The following MDN1 variants were observed in gnomAD, a reference collection of about 807,000 sequenced individuals.
MDN1 encodes the protein midasin.
MDN1 carries 266 observed loss-of-function variants against 669.2 expected under a neutral mutation model. The ratio of observed to expected loss-of-function variants is 0.40; its 90% CI spans 0.36 to 0.44. The LOEUF (loss-of-function observed/expected upper bound fraction) is 0.44, where lower values mean the gene tolerates loss of function less well. MDN1 is among the 20% of genes least tolerant of loss of function. The probability of loss-of-function intolerance (pLI) is 1.00; values close to 1 mark genes in which losing one functional copy is unlikely to be tolerated. For missense variants in MDN1, 5,940 were observed against 6,754.0 expected (o/e 0.88, Z 4.22); for synonymous variants, 2,385 against 2,457.1 (o/e 0.97, Z 0.87).
rs1007264383 is a variant in MDN1 at position 89,816,772 on chromosome 6, T to C, written c.102+2734A>G. Reference sequence around the variant, plus strand: ...TCACTGCAAGTTCCACCTCCCGGGTTCACGCCATTCTCCTGCCTCAGCCAC... The same window carrying C: ...TCACTGCAAGTTCCACCTCCCGGGTCCACGCCATTCTCCTGCCTCAGCCAC... On this transcript the variant is annotated intron_variant, in intron 1 of 101. Coordinates refer to ENST00000369393, the MANE Select transcript of MDN1 (RefSeq NM_014611.3). Among the ~76,000 whole-genome samples, 9 of 151,234 alleles carry C rather than the reference T, an allele frequency of 6.0e-5. No homozygotes were observed. In the East Asian group the frequency reaches 1.8e-3, roughly 30 times the overall value.
intron 55 of MDN1, among the ~76,000 whole-genome samples, chr6:89,701,273 C>T (rs746581183): frequency 1.1e-4 from 17 of 152,130 alleles, no homozygotes; most frequent in Admixed American, 2.6e-4. Context: ...ATTTACACAG[C>T]GTTTATATTG....
Position 89,646,609 on chromosome 6 carries a change from C to T in MDN1, c.16396-6G>A. 2 of 1,613,514 alleles carry T rather than the reference C, an allele frequency of 1.2e-6. No homozygotes were observed. Among genetic ancestry groups the T allele is most frequent in the Non-Finnish European group, 1.7e-6 (2 of 1,179,484 alleles). ...TTGGCAACAGACTCTAGAAACTAAA[C>T]CGGAACCAGGAATAGACAATTAGAA... On this transcript the variant is annotated splice_region_variant and splice_polypyrimidine_tract_variant and intron_variant, in intron 99 of 101. Transcript: ENST00000369393.
intron 1 of MDN1, among the ~76,000 whole-genome samples, chr6:89,813,961 C>T (rs1178602101): frequency 6.6e-6 from 1 of 151,078 alleles, no homozygotes; most frequent in African/African-American, 2.4e-5. Context: ...GACGCGGTGG[C>T]ATGCCTATAG....
intron 2 of MDN1, among the ~76,000 whole-genome samples, chr6:89,796,355 A>C (rs1343948492): frequency 3.3e-5 from 5 of 151,070 alleles, no homozygotes; most frequent in African/African-American, 9.7e-5. Context: ...AAAAAACAAA[A>C]AAAAAAACCA....
chr6:89,662,709 A>G, intron 86 of MDN1, 83 bp downstream of exon 86: 1 of 1,403,664 alleles, frequency 7.1e-7, no homozygotes, highest in Non-Finnish European at 9.7e-7. Flanking sequence ...GAAAAAGAAG[A>G]GAAGTAAATG....
chr6:89,795,511 T>G (rs1236043918), intron 2 of MDN1, among the ~76,000 whole-genome samples: 3 of 151,980 alleles, frequency 2.0e-5, no homozygotes, highest in Admixed American at 1.3e-4. Flanking sequence ...GGAAGATCAT[T>G]TGCCAGGTTC....
In MDN1 at chr6:89,732,793, A is replaced by T; in HGVS notation, c.4724-18T>A. ...GTCAGACCCTAAACACAAGAAACAAAAAAAGCATTTGCTGTTAACGGGAGA... is the reference window on the plus strand; with the variant it reads ...GTCAGACCCTAAACACAAGAAACAATAAAAGCATTTGCTGTTAACGGGAGA... On this transcript the variant is annotated intron_variant, in intron 33 of 101. Coordinates refer to ENST00000369393, the MANE Select transcript of MDN1 (RefSeq NM_014611.3). 6.2e-7 allele frequency: 1 copy of T among 1,610,780 alleles called. No individual in the cohort carries two copies. The highest frequency in any genetic ancestry group is 8.5e-7 in the Non-Finnish European group (1 of 1,178,128).
chr6:89,793,291 A>G (rs545460028), intron 5 of MDN1, among the ~76,000 whole-genome samples: 1 of 152,340 alleles, frequency 6.6e-6, no homozygotes, highest in East Asian at 1.9e-4. Context: ...AATTACATCA[A>G]CATAGGATCG....
chr6:89,783,084 A>G (rs939465130), intron 9 of MDN1, among the ~76,000 whole-genome samples: 4 of 152,148 alleles, frequency 2.6e-5, no homozygotes, highest in East Asian at 1.9e-4. Context: ...AAAGAACAGA[A>G]TAACAGCGAT....
intron 5 of MDN1, among the ~76,000 whole-genome samples, chr6:89,792,051 G>C (rs1371262837): frequency 6.6e-6 from 1 of 151,716 alleles, no homozygotes; most frequent in Non-Finnish European, 1.5e-5. Context: ...TGTATTTTTA[G>C]TAGAGACGGG....
chr6:89,754,071 C>A lies in MDN1; in HGVS notation c.2964+12G>T. 6.2e-7 allele frequency: 1 copy of A among 1,612,060 alleles called. No homozygotes were observed. The highest frequency in any genetic ancestry group is 1.1e-5 in the South Asian group (1 of 90,786). On this transcript the variant is annotated intron_variant, in intron 21 of 101. Coordinates refer to ENST00000369393, the MANE Select transcript of MDN1 (RefSeq NM_014611.3). ...TTAAGCTCATATCCAGTCAAAGAGA[C>A]TTCAGAAAGACCTCATAGAGTGAGC...
intron 2 of MDN1, among the ~76,000 whole-genome samples, chr6:89,796,341 A>AAAC (rs145094723): frequency 0.17 from 19,067 of 109,656 alleles, 2,505 homozygotes; most frequent in East Asian, 0.33. Flanking sequence ...AAAAAAAAAA[A>AAAC]AAAAAAAAAC....
At chr6:89,711,504 C>A (rs1813916773) in intron 49 of MDN1, among the ~76,000 whole-genome samples, 1 of 151,968 alleles carries the variant, frequency 6.6e-6, no homozygotes, top group East Asian at 1.9e-4. Flanking sequence ...AAAATACTAT[C>A]CCATTTTATA....
At chr6:89,709,607 T>A (rs927227281) in intron 50 of MDN1, among the ~76,000 whole-genome samples, 16 of 152,222 alleles carry the variant, frequency 1.1e-4, no homozygotes, top group Non-Finnish European at 1.5e-5. Flanking sequence ...TTAGTGCACA[T>A]AAAGGAATTA....
intron 82 of MDN1, 134 bp from the exon 83 acceptor site, chr6:89,671,214 T>C (rs1810730133): frequency 2.1e-6 from 2 of 934,356 alleles, no homozygotes; most frequent in African/African-American, 3.3e-5. Flanking sequence ...AAGTTACATG[T>C]ATGTGTTTGT....
At chr6:89,697,685 G>A (rs1812860894) in intron 59 of MDN1, among the ~76,000 whole-genome samples, 2 of 151,536 alleles carry the variant, frequency 1.3e-5, no homozygotes, top group African/African-American at 2.4e-5. Context: ...AGGCCCAAGC[G>A]ATTCTCCTGA....
chr6:89,718,732 T>C (rs766279235), intron 42 of MDN1, 35 bp downstream of exon 42: 1 of 1,611,260 alleles, frequency 6.2e-7, no homozygotes, highest in South Asian at 1.1e-5. Flanking sequence ...GGGTTTATTA[T>C]GCTTTGCCAG....
chr6:89,812,516 GA>G (rs947983517), intron 1 of MDN1, among the ~76,000 whole-genome samples: 13 of 151,696 alleles, frequency 8.6e-5, no homozygotes, highest in Admixed American at 6.6e-4. Flanking sequence ...AATAGAAAAG[GA>G]AAAAAAGTCT....
intron 85 of MDN1, 91 bp from the exon 86 acceptor site, chr6:89,663,058 G>A: frequency 7.0e-7 from 1 of 1,421,802 alleles, no homozygotes; most frequent in Non-Finnish European, 9.7e-7. Context: ...CCCTAGCAAG[G>A]GCCCCACCTG....
Sources: gnomAD v4.1 joint callset for allele counts (sites outside exome capture counted in the v4.1 genomes callset) on GRCh38, gnomAD v4.1.1 for gene constraint, MANE v1.5 for transcripts, NCBI Gene and HGNC (gene_info 2026-07-23, HGNC 2026-07-21) for gene names.